DOCK3: variants seen among roughly 807,000 people sequenced by gnomAD.
DOCK3 encodes dedicator of cytokinesis protein 3.
In DOCK3, 60 loss-of-function variants were observed where a neutral mutation model predicts 265.6. The ratio of observed to expected loss-of-function variants is 0.23; its 90% confidence interval spans 0.18 to 0.28. The LOEUF (loss-of-function observed/expected upper bound fraction) is 0.28, where lower values mean the gene tolerates loss of function less well. Ranked by LOEUF, DOCK3 falls within the 10% of genes least tolerant of loss-of-function variation. The probability of loss-of-function intolerance (pLI) is 1.00; values close to 1 mark genes in which losing one functional copy is unlikely to be tolerated. For synonymous variants in DOCK3, 881 were observed against 938.0 expected (o/e 0.94, Z 1.11); for missense variants, 1,981 against 2,594.3 (o/e 0.76, Z 5.14).
At chr3:50,762,175 C>T (rs538988359) in intron 1 of DOCK3, among the ~76,000 whole-genome samples, 110 of 151,678 alleles carry the variant, frequency 7.3e-4, no homozygotes, top group African/African-American at 2.2e-3. Flanking sequence ...TTAATGGGTG[C>T]GGCATACCAA....
chr3:50,930,133 C>G (rs954269113), intron 4 of DOCK3, among the ~76,000 whole-genome samples: 2 of 151,276 alleles, frequency 1.3e-5, no homozygotes, highest in Non-Finnish European at 2.9e-5. Context: ...AATAGGAACA[C>G]TCTAAGTTTT....
chr3:50,960,175 G>C (rs561339245), intron 5 of DOCK3, among the ~76,000 whole-genome samples: 1 of 152,108 alleles, frequency 6.6e-6, no homozygotes, highest in Non-Finnish European at 1.5e-5. Context: ...GTACAAATCT[G>C]TGTGTAAACA....
chr3:51,100,655 A>C (rs1401623758), intron 9 of DOCK3, among the ~76,000 whole-genome samples: 1 of 152,264 alleles, frequency 6.6e-6, no homozygotes, highest in African/African-American at 2.4e-5. Context: ...CCATTAAAAC[A>C]AAAATACTAA....
At chr3:50,956,688 A>G (rs6768446) in intron 5 of DOCK3, among the ~76,000 whole-genome samples, 6 of 152,098 alleles carry the variant, frequency 3.9e-5, no homozygotes, top group African/African-American at 9.7e-5. Context: ...AAGCACATAG[A>G]TTTTGTCTAG....
At chr3:50,907,260 C>G (rs928612022) in intron 4 of DOCK3, among the ~76,000 whole-genome samples, 1 of 152,094 alleles carries the variant, frequency 6.6e-6, no homozygotes, top group Non-Finnish European at 1.5e-5. Flanking sequence ...CGTTAGATGT[C>G]TATTAAGTCT....
At chr3:51,204,422 C>T (rs1205639027) in intron 12 of DOCK3, among the ~76,000 whole-genome samples, 25 of 146,550 alleles carry the variant, frequency 1.7e-4, no homozygotes, top group African/African-American at 3.0e-4. Flanking sequence ...AAAATGCTCA[C>T]CATCACTGGC....
intron 6 of DOCK3, 56 bp downstream of exon 6, chr3:51,064,652 T>A (rs2081529733): frequency 6.3e-7 from 1 of 1,592,108 alleles, no homozygotes; most frequent in Non-Finnish European, 8.6e-7. Flanking sequence ...AACTCAGTCT[T>A]CAGGGAGTTT....
At chr3:51,280,606 T>C (rs2081057466) in intron 27 of DOCK3, among the ~76,000 whole-genome samples, 1 of 152,166 alleles carries the variant, frequency 6.6e-6, no homozygotes, top group Admixed American at 6.5e-5. Context: ...ATTTTTTTCA[T>C]TTAAATATAT....
At position 51,355,052 on chromosome 3, in the gene DOCK3, A is replaced by T. The variant is rs2086269755; in HGVS notation, c.4249+29A>T. 3 of 1,606,878 alleles carry T rather than the reference A, an allele frequency of 1.9e-6. No homozygotes were observed. The Admixed American group carries it at 5.1e-5, about 27-fold the overall frequency. On this transcript the variant is annotated intron_variant, in intron 41 of 52. Transcript: ENST00000266037. ...TCCTTTGATACTGGGTGGGAGGAGG[A>T]GGGCAGGGGCCCTGGGAGGTGAGAT...
intron 2 of DOCK3, among the ~76,000 whole-genome samples, chr3:50,831,232 A>T (rs1203524342): frequency 4.3e-5 from 6 of 140,438 alleles, no homozygotes; most frequent in Non-Finnish European, 7.8e-5. Flanking sequence ...TTTATTTTTA[A>T]TTTTTTTTAT....
At chr3:51,179,262 C>T (rs2087142174) in intron 12 of DOCK3, among the ~76,000 whole-genome samples, 1 of 152,186 alleles carries the variant, frequency 6.6e-6, no homozygotes, top group South Asian at 2.1e-4. Flanking sequence ...TCTCTGATCC[C>T]AGTGCAGTTA....
chr3:51,231,121 C>T (rs1408874964), intron 19 of DOCK3, among the ~76,000 whole-genome samples: 6 of 77,738 alleles, frequency 7.7e-5, no homozygotes, highest in African/African-American at 1.0e-4. Context: ...TATTTTTTGA[C>T]TTTTTTTTTT....
intron 4 of DOCK3, among the ~76,000 whole-genome samples, chr3:50,932,765 T>A (rs2051141414): frequency 1.3e-5 from 2 of 152,160 alleles, no homozygotes; most frequent in South Asian, 2.1e-4. Context: ...CATGTCATGA[T>A]TTTTTTGCAT....
chr3:51,004,929 A>C (rs887062538), intron 5 of DOCK3, among the ~76,000 whole-genome samples: 5 of 148,960 alleles, frequency 3.4e-5, no homozygotes, highest in African/African-American at 1.2e-4. Flanking sequence ...CATCCTAGAT[A>C]TATGAAGTTA....
chr3:51,344,379 G>A (rs528725942), intron 38 of DOCK3, among the ~76,000 whole-genome samples: 3 of 152,300 alleles, frequency 2.0e-5, no homozygotes, highest in Admixed American at 6.5e-5. Context: ...CCAACACTTC[G>A]GGAGGCCAAG....
At chr3:51,219,801 T>A (rs555909425) in intron 14 of DOCK3, among the ~76,000 whole-genome samples, 1 of 152,310 alleles carries the variant, frequency 6.6e-6, no homozygotes, top group East Asian at 1.9e-4. Flanking sequence ...CGCTGGTCAA[T>A]CTGAGTGTCA....
chr3:51,131,651 C>T (rs1228700282), intron 9 of DOCK3, among the ~76,000 whole-genome samples: 1 of 152,096 alleles, frequency 6.6e-6, no homozygotes, highest in African/African-American at 2.4e-5. Context: ...ATCAACTTAA[C>T]CTCTAGGAAC....
intron 5 of DOCK3, among the ~76,000 whole-genome samples, chr3:51,012,600 G>T (rs987143544): frequency 1.3e-5 from 2 of 152,190 alleles, no homozygotes; most frequent in Non-Finnish European, 2.9e-5. Flanking sequence ...CTTCCTGGGT[G>T]AGGCGATGCC....
intron 3 of DOCK3, among the ~76,000 whole-genome samples, chr3:50,846,054 C>T (rs1029148809): frequency 2.6e-5 from 4 of 152,146 alleles, no homozygotes; most frequent in Non-Finnish European, 2.9e-5. Context: ...ATTGCAGTGC[C>T]TAGCACATAA....
Sources: allele counts gnomAD v4.1 joint callset (sites outside exome capture counted in the v4.1 genomes callset), GRCh38; gene constraint gnomAD v4.1.1; transcripts MANE v1.5; gene names NCBI Gene and HGNC (gene_info 2026-07-23, HGNC 2026-07-21).